The following COL4A6 variants were observed in gnomAD, a reference collection of about 807,000 sequenced individuals.
COL4A6 encodes collagen type IV alpha 6 chain, also known as collagen alpha-6(IV) chain.
COL4A6 carries 59 observed loss-of-function variants against 126.7 expected under a neutral mutation model. That is an observed-to-expected ratio of 0.47 (90% confidence interval 0.38 to 0.58). COL4A6 has a LOEUF of 0.58. Ranked by LOEUF, COL4A6 falls within the 20% of genes least tolerant of loss-of-function variation. The probability of loss-of-function intolerance (pLI) is 0.00; values close to 1 mark genes in which losing one functional copy is unlikely to be tolerated. For synonymous variants in COL4A6, 547 were observed against 496.6 expected, an observed-to-expected ratio of 1.10 and a Z score of -1.35; for missense variants, 1,285 against 1,337.3, an observed-to-expected ratio of 0.96 and a Z score of 0.61.
At chrX:108,203,034 A>G (rs2035432808) in intron 12 of COL4A6, 53 bp from the exon 13 acceptor site, 1 of 1,015,194 alleles carries the variant, frequency 9.9e-7, no homozygotes, top group African/African-American at 1.9e-5. Context: ...GTGAACGCAC[A>G]GTAGGATGGC....
intron 2 of COL4A6, among the ~76,000 whole-genome samples, chrX:108,432,725 A>G (rs1300038225): frequency 9.0e-6 from 1 of 111,181 alleles, no homozygotes; most frequent in Non-Finnish European, 1.9e-5. Flanking sequence ...AGTCCCAGCT[A>G]CTCGGGAGGC....
chrX:108,308,025 C>A (rs2038667156), intron 3 of COL4A6, among the ~76,000 whole-genome samples: 2 of 112,031 alleles, frequency 1.8e-5, no homozygotes, highest in African/African-American at 6.5e-5. Flanking sequence ...TTAGACTTTG[C>A]AAATACATTT....
At position 108,236,149 on chromosome X, in the gene COL4A6, T is replaced by A. The variant is rs1162911074; in HGVS notation, c.145-14775A>T. On this transcript the variant is annotated intron_variant, in intron 3 of 44. Coordinates refer to ENST00000334504, the MANE Select transcript of COL4A6 (RefSeq NM_033641.4). ...CCACGGCCAACAGTAGCAACACTTGTCCCTTAAAGCTGAGTGGAAAACAAA... is the reference window on the plus strand; with the variant it reads ...CCACGGCCAACAGTAGCAACACTTGACCCTTAAAGCTGAGTGGAAAACAAA... Among the ~76,000 whole-genome samples the A allele has an allele frequency of 2.7e-5, 3 of 111,930 alleles. No individual in the cohort carries two copies. In the Admixed American group the frequency reaches 2.8e-4, roughly 11 times the overall value.
At chrX:108,189,298 A>G (rs1218497753) in intron 20 of COL4A6, among the ~76,000 whole-genome samples, 1 of 112,164 alleles carries the variant, frequency 8.9e-6, no homozygotes, top group Non-Finnish European at 1.9e-5. Flanking sequence ...GTGTTTCTTG[A>G]GTGTGATCCT....
At chrX:108,235,161 G>A (rs894794946) in intron 3 of COL4A6, among the ~76,000 whole-genome samples, 2 of 111,467 alleles carry the variant, frequency 1.8e-5, no homozygotes, top group African/African-American at 6.5e-5. Flanking sequence ...CAGAAGTACT[G>A]GGGCTGAGGA....
At chrX:108,398,934 C>T (rs761969146) in intron 2 of COL4A6, among the ~76,000 whole-genome samples, 4 of 111,412 alleles carry the variant, frequency 3.6e-5, no homozygotes, top group Non-Finnish European at 7.6e-5. Context: ...AATACTTTGG[C>T]GCTAGAGTGT....
chrX:108,191,674 G>T (rs2035048658), intron 18 of COL4A6, 141 bp from the exon 19 acceptor site: 1 of 639,117 alleles, frequency 1.6e-6, no homozygotes, highest in Non-Finnish European at 2.2e-6. Context: ...GAGTTAGAAG[G>T]ATCCTTAGGG....
chrX:108,267,302 A>G (rs370721783), intron 3 of COL4A6, among the ~76,000 whole-genome samples: 28 of 112,277 alleles, frequency 2.5e-4, no homozygotes, highest in African/African-American at 8.4e-4. Context: ...CCTCAACTCA[A>G]GTTTATCTGA....
At chrX:108,212,793 C>T (rs1377674242) in intron 6 of COL4A6, among the ~76,000 whole-genome samples, 2 of 111,844 alleles carry the variant, frequency 1.8e-5, no homozygotes, top group Admixed American at 1.9e-4. Flanking sequence ...TAGTAAAATA[C>T]ATGCCCAAGT....
At chrX:108,425,504 G>T in intron 2 of COL4A6, among the ~76,000 whole-genome samples, 1 of 110,049 alleles carries the variant, frequency 9.1e-6, no homozygotes, top group East Asian at 2.9e-4. Flanking sequence ...GAGGCTAAGG[G>T]GGGATGGATC....
chrX:108,204,026 C>T (rs2035469821), intron 12 of COL4A6, among the ~76,000 whole-genome samples: 1 of 111,729 alleles, frequency 9.0e-6, no homozygotes, highest in Non-Finnish European at 1.9e-5. Context: ...TTATGTTATT[C>T]ATCATATCAA....
intron 2 of COL4A6, among the ~76,000 whole-genome samples, chrX:108,322,978 C>T (rs1300176966): frequency 8.9e-6 from 1 of 112,177 alleles, no homozygotes; most frequent in Non-Finnish European, 1.9e-5. Context: ...CATCATGGCA[C>T]ACTTGTGTGA....
chrX:108,298,708 C>T (rs1193521932), intron 3 of COL4A6, among the ~76,000 whole-genome samples: 1 of 109,171 alleles, frequency 9.2e-6, no homozygotes, highest in Non-Finnish European at 1.9e-5. Flanking sequence ...GGTCTGGGGG[C>T]GTTGGGTCAT....
chrX:108,236,480 A>G (rs1019896095), intron 3 of COL4A6, among the ~76,000 whole-genome samples: 2 of 111,729 alleles, frequency 1.8e-5, no homozygotes, highest in African/African-American at 6.5e-5. Context: ...ACTGCCAGGT[A>G]GCTGCTCCAG....
chrX:108,289,949 C>T (rs1433575431), intron 3 of COL4A6, among the ~76,000 whole-genome samples: 1 of 111,724 alleles, frequency 9.0e-6, no homozygotes, highest in East Asian at 2.8e-4. Flanking sequence ...ATACTTACAC[C>T]ATGGATATCT....
In COL4A6 at chrX:108,261,280, T is replaced by G. The variant is rs750220936; in HGVS notation, c.145-39906A>C. ...CTAGAGGCTACTGTATTGCACACCA[T>G]AAATGTAGAATATTTCCTTATTGCA... On this transcript the variant is annotated intron_variant, in intron 3 of 44. Coordinates refer to ENST00000334504, the MANE Select transcript of COL4A6 (RefSeq NM_033641.4). 2.0e-4 allele frequency among the ~76,000 whole-genome samples: 22 copies of G among 112,185 alleles called. 1 individual carries two copies. In the South Asian group the frequency reaches 8.2e-3, roughly 42 times the overall value.
intron 2 of COL4A6, among the ~76,000 whole-genome samples, chrX:108,336,845 A>G (rs1433229919): frequency 9.0e-6 from 1 of 110,807 alleles, no homozygotes; most frequent in African/African-American, 3.3e-5. Flanking sequence ...AGAATTGGTT[A>G]TACCTTTGTA....
chrX:108,377,088 G>C (rs2040452952), intron 2 of COL4A6, among the ~76,000 whole-genome samples: 1 of 112,887 alleles, frequency 8.9e-6, no homozygotes, highest in Non-Finnish European at 1.9e-5. Context: ...GATGTGGCAA[G>C]ACAATAGGGT....
intron 3 of COL4A6, chrX:108,267,835 A>AT (rs919530792): frequency 2.7e-5 from 3 of 112,618 alleles, no homozygotes; most frequent in Non-Finnish European, 5.6e-5. Context: ...GTTTTGTTTT[A>AT]TTTTTAACAA....
Sources: allele counts gnomAD v4.1 joint callset (sites outside exome capture counted in the v4.1 genomes callset), GRCh38; gene constraint gnomAD v4.1.1; transcripts MANE v1.5; gene names NCBI Gene and HGNC (gene_info 2026-07-23, HGNC 2026-07-21).